Variants in KDM6A observed in about 807,000 individuals in gnomAD.
KDM6A encodes lysine demethylase 6A.
A neutral mutation model predicts 117.6 loss-of-function variants in KDM6A; 11 were observed. The ratio of observed to expected loss-of-function variants is 0.09; its 90% CI spans 0.06 to 0.15. The LOEUF (loss-of-function observed/expected upper bound fraction) is 0.15, where lower values mean the gene tolerates loss of function less well. Among genes scored for constraint, KDM6A ranks in the 10% least tolerant of loss-of-function variants. The probability of loss-of-function intolerance (pLI) is 1.00; values close to 1 mark genes in which losing one functional copy is unlikely to be tolerated. For missense variants in KDM6A, 799 were observed against 1,077.3 expected (o/e 0.74, Z 3.62); for synonymous variants, 384 against 396.1 (o/e 0.97, Z 0.36).
At chrX:45,096,392 G>A (rs937105511) in intron 27 of KDM6A, among the ~76,000 whole-genome samples, 2 of 111,669 alleles carry the variant, frequency 1.8e-5, no homozygotes, top group African/African-American at 6.5e-5. Context: ...CCAGGTTTGT[G>A]CTAGGTGAAA....
chrX:44,911,180 A>C (rs1208654387), intron 2 of KDM6A, among the ~76,000 whole-genome samples: 1 of 98,287 alleles, frequency 1.0e-5, no homozygotes, highest in African/African-American at 3.9e-5. Flanking sequence ...GCTGCCCCCC[A>C]CCTCCCGGAC....
intron 2 of KDM6A, among the ~76,000 whole-genome samples, chrX:44,926,884 CTG>C (rs1428870187): frequency 9.0e-6 from 1 of 111,208 alleles, no homozygotes; most frequent in Non-Finnish European, 1.9e-5. Flanking sequence ...CATGTGGACT[CTG>C]GAGTTGTCTT....
intron 2 of KDM6A, among the ~76,000 whole-genome samples, chrX:44,931,123 C>T (rs1015891646): frequency 2.7e-5 from 3 of 111,118 alleles, no homozygotes; most frequent in African/African-American, 9.8e-5. Flanking sequence ...GTCACCCAGG[C>T]TGGAGTGCAA....
At chrX:44,929,878 G>T (rs1172622850) in intron 2 of KDM6A, among the ~76,000 whole-genome samples, 1 of 110,508 alleles carries the variant, frequency 9.0e-6, no homozygotes, top group Non-Finnish European at 1.9e-5. Flanking sequence ...GGATGTGTAG[G>T]TTTGTTACAT....
intron 1 of KDM6A, 72 bp downstream of exon 1, chrX:44,873,784 G>A: frequency 8.7e-7 from 1 of 1,150,851 alleles, no homozygotes; most frequent in Non-Finnish European, 1.2e-6. Flanking sequence ...GACCGAGCGC[G>A]GCTTGTCTCT....
intron 6 of KDM6A, among the ~76,000 whole-genome samples, chrX:45,032,741 G>A (rs984014765): frequency 9.0e-6 from 1 of 111,552 alleles, no homozygotes; most frequent in African/African-American, 3.3e-5. Context: ...GTGAGCTACT[G>A]TACCCAACCA....
In KDM6A at chrX:44,975,316, A is replaced by T. The variant is rs190129905; in HGVS notation, c.384+601A>T. Among the ~76,000 whole-genome samples, 1,082 of 108,758 alleles carry T rather than the reference A, an allele frequency of 9.9e-3. 15 individuals carry two copies. Among genetic ancestry groups the T allele is most frequent in the African/African-American group, 0.035 (1,042 of 29,975 alleles). The allele number at this position is 108,758 out of a possible 115,157, so 94.4% of individuals were successfully genotyped here. On this transcript the variant is annotated intron_variant, in intron 4 of 29. Transcript: ENST00000611820. ...TATTGAGCAGTGAGTTTTTTTTTTT[A>T]AATCTGAATTGCTGTTTCAGATTTT...
At chrX:45,088,071 T>C (rs2045723722) in intron 25 of KDM6A, among the ~76,000 whole-genome samples, 1 of 111,458 alleles carries the variant, frequency 9.0e-6, no homozygotes, top group South Asian at 3.7e-4. Context: ...GGGTGTCTGT[T>C]TGGGATTACT....
intron 25 of KDM6A, among the ~76,000 whole-genome samples, chrX:45,089,293 G>A (rs967047937): frequency 7.2e-5 from 8 of 111,024 alleles, no homozygotes; most frequent in Admixed American, 3.8e-4. Context: ...TTGGGAGGCC[G>A]AAGCAGGCGG....
At chrX:44,929,963 A>G (rs2036533426) in intron 2 of KDM6A, among the ~76,000 whole-genome samples, 2 of 110,112 alleles carry the variant, frequency 1.8e-5, no homozygotes, top group Non-Finnish European at 3.8e-5. Flanking sequence ...TCGATTAGTT[A>G]TTTTTTCTGC....
chrX:45,068,561 TAAAAAAAAA>T (rs779354016), intron 17 of KDM6A, among the ~76,000 whole-genome samples: 1 of 70,528 alleles, frequency 1.4e-5, no homozygotes, highest in Non-Finnish European at 2.5e-5. Flanking sequence ...CCTTTTTTTT[TAAAAAAAAA>T]AAAAAAAAAG....
chrX:45,042,974 T>C (rs1288860135), intron 8 of KDM6A, among the ~76,000 whole-genome samples: 1 of 112,794 alleles, frequency 8.9e-6, no homozygotes, highest in Non-Finnish European at 1.9e-5. Context: ...TTTGTGGTAT[T>C]GAGCTTATAA....
At chrX:45,076,194 T>C (rs1371452386) in intron 18 of KDM6A, among the ~76,000 whole-genome samples, 1 of 111,389 alleles carries the variant, frequency 9.0e-6, no homozygotes, top group African/African-American at 3.3e-5. Context: ...AGGAGTTGCA[T>C]AGGAAATTTT....
At chrX:45,031,041 G>GA (rs2042582697) in intron 6 of KDM6A, among the ~76,000 whole-genome samples, 1 of 111,812 alleles carries the variant, frequency 8.9e-6, no homozygotes, top group Admixed American at 9.5e-5. Flanking sequence ...CAATGAATAA[G>GA]AAAAAAATGA....
At chrX:45,068,911 G>T (rs946166449) in intron 17 of KDM6A, among the ~76,000 whole-genome samples, 2 of 106,038 alleles carry the variant, frequency 1.9e-5, no homozygotes, top group African/African-American at 6.9e-5. Flanking sequence ...GCCCAGCCTG[G>T]TCTCGAACTC....
At chrX:45,014,625 G>C (rs927127248) in intron 5 of KDM6A, among the ~76,000 whole-genome samples, 1 of 111,906 alleles carries the variant, frequency 8.9e-6, no homozygotes, top group African/African-American at 3.2e-5. Context: ...GGGATACCTT[G>C]AACTGAGCTC....
rs11380643 is a variant in KDM6A at position 45,099,295 on chromosome X, C to CTT, written c.4035-8103_4035-8102dup. On this transcript the variant is annotated intron_variant, in intron 27 of 29. Transcript: ENST00000611820. ...GATTTCCCCAACTATCCAAAAATGT[C>CTT]TTTTTTTTTTTTTAAGCACTTGCCT... is the stretch of plus-strand genomic sequence containing the variant. Among the ~76,000 whole-genome samples the CTT allele has an allele frequency of 3.5e-3, 352 of 101,066 alleles. 1 individual carries two copies. Among genetic ancestry groups the CTT allele is most frequent in the African/African-American group, 5.2e-3 (145 of 27,715 alleles). 87.8% of individuals were successfully genotyped at this position (101,066 alleles called of 115,157 possible). A position where few individuals can be genotyped will look rare whatever the true frequency, so the allele number is the denominator to read the frequency against.
intron 29 of KDM6A, among the ~76,000 whole-genome samples, chrX:45,110,542 A>G (rs1213364426): frequency 2.7e-5 from 3 of 111,566 alleles, no homozygotes; most frequent in African/African-American, 9.8e-5. Flanking sequence ...CATATCCTTT[A>G]TGTCATTTTA....
intron 16 of KDM6A, among the ~76,000 whole-genome samples, chrX:45,063,167 T>C (rs1320869859): frequency 9.0e-6 from 1 of 111,068 alleles, no homozygotes; most frequent in Non-Finnish European, 1.9e-5. Context: ...CTTTTGTCAT[T>C]ACTAATGGGA....
Sources: allele counts gnomAD v4.1 joint callset (sites outside exome capture counted in the v4.1 genomes callset), GRCh38; gene constraint gnomAD v4.1.1; transcripts MANE v1.5; gene names NCBI Gene and HGNC (gene_info 2026-07-23, HGNC 2026-07-21).